BACH2: variants seen among roughly 807,000 people sequenced by gnomAD.
The protein encoded by BACH2 is BACH transcriptional regulator 2.
Under a neutral mutation model 61.8 loss-of-function variants are expected in BACH2, and 5 were observed. The observed-to-expected ratio is 0.08, with a 90% CI of 0.04 to 0.17. The LOEUF is 0.17. Among genes scored for constraint, BACH2 ranks in the 10% least tolerant of loss-of-function variants. The probability of loss-of-function intolerance (pLI) is 1.00; values close to 1 mark genes in which losing one functional copy is unlikely to be tolerated. For synonymous variants in BACH2, 446 were observed against 440.1 expected, an observed-to-expected ratio of 1.01 and a Z score of -0.17; for missense variants, 824 against 1,091.1, an observed-to-expected ratio of 0.76 and a Z score of 3.45.
At chr6:90,060,283 C>A (rs1780617452) in intron 5 of BACH2, among the ~76,000 whole-genome samples, 1 of 152,098 alleles carries the variant, frequency 6.6e-6, no homozygotes, top group Non-Finnish European at 1.5e-5. Context: ...TCTAAATAGG[C>A]TTTAGTTAGG....
At chr6:90,181,328 G>GGTGT (rs10593294) in intron 4 of BACH2, among the ~76,000 whole-genome samples, 83 of 148,434 alleles carry the variant, frequency 5.6e-4, no homozygotes, top group African/African-American at 1.5e-3. Flanking sequence ...CCCACTGTGT[G>GGTGT]GTGTGTGTGT....
Position 90,137,554 on chromosome 6 carries a change from C to T in BACH2, c.-161-48445G>A, listed in dbSNP as rs559704213. ...AACCAGGCTCCAGTCTCTTTCTTCTCCCAATTTTTACTACTTGCCACACTT... is the reference window on the plus strand; with the variant it reads ...AACCAGGCTCCAGTCTCTTTCTTCTTCCAATTTTTACTACTTGCCACACTT... On this transcript the variant is annotated intron_variant, in intron 4 of 8. Coordinates refer to ENST00000257749, the MANE Select transcript of BACH2 (RefSeq NM_021813.4). 7.2e-5 allele frequency among the ~76,000 whole-genome samples: 11 copies of T among 152,288 alleles called. No homozygotes were observed. In the South Asian group the frequency reaches 1.4e-3, roughly 20 times the overall value.
intron 1 of BACH2, among the ~76,000 whole-genome samples, chr6:90,292,056 C>A (rs1772197542): frequency 6.6e-6 from 1 of 152,156 alleles, no homozygotes; most frequent in African/African-American, 2.4e-5. Flanking sequence ...GTTCTCTGTT[C>A]TATGTGAGGG....
chr6:90,014,778 A>AT lies in BACH2; in HGVS notation c.-12-5923dup, dbSNP rs562030278. On this transcript the variant is annotated intron_variant, in intron 5 of 8. Coordinates refer to ENST00000257749, the MANE Select transcript of BACH2 (RefSeq NM_021813.4). ...GTCAGCTACCGCCCCTGGCCTTTTT[A>AT]TTTTTTTTATTTTTTAAAGAGACAG... Among the ~76,000 whole-genome samples, 558 of 149,830 alleles carry AT rather than the reference A, an allele frequency of 3.7e-3. 7 individuals are homozygous for AT. Among genetic ancestry groups the AT allele is most frequent in the African/African-American group, 0.013 (527 of 40,734 alleles).
intron 2 of BACH2, among the ~76,000 whole-genome samples, chr6:90,261,176 C>T (rs765056386): frequency 3.3e-5 from 5 of 152,164 alleles, no homozygotes; most frequent in Non-Finnish European, 7.3e-5. Context: ...CCCAGTCTTT[C>T]CTCCTTTGTT....
At chr6:90,091,298 T>C (rs1782147751) in intron 4 of BACH2, among the ~76,000 whole-genome samples, 1 of 152,306 alleles carries the variant, frequency 6.6e-6, no homozygotes, top group East Asian at 1.9e-4. Context: ...AAGTCCTATA[T>C]TGACACGGGG....
At chr6:90,086,565 C>G (rs891686264) in intron 5 of BACH2, among the ~76,000 whole-genome samples, 1 of 152,186 alleles carries the variant, frequency 6.6e-6, no homozygotes, top group African/African-American at 2.4e-5. Flanking sequence ...ACCCTACTCA[C>G]TCGGTGACTG....
At chr6:90,222,396 G>C (rs1393303585) in intron 3 of BACH2, among the ~76,000 whole-genome samples, 1 of 152,222 alleles carries the variant, frequency 6.6e-6, no homozygotes, top group African/African-American at 2.4e-5. Context: ...ACAAGGCTCA[G>C]AGCAAGTAGG....
intron 5 of BACH2, among the ~76,000 whole-genome samples, chr6:90,009,823 CCTAA>C (rs1325885855): frequency 6.6e-6 from 1 of 152,152 alleles, no homozygotes; most frequent in African/African-American, 2.4e-5. Flanking sequence ...TGCCACCGTG[CCTAA>C]CTAATTTTTG....
Position 90,240,665 on chromosome 6 carries a change from T to C in BACH2, c.-275+11848A>G, listed in dbSNP as rs563848352. ...GAAGGCAAATGGACTTTAAAAATGA[T>C]GACCCACGTAAAATCAACATTTAAT... is the stretch of plus-strand genomic sequence containing the variant. On this transcript the variant is annotated intron_variant, in intron 3 of 8. Transcript: ENST00000257749. 3.9e-5 allele frequency among the ~76,000 whole-genome samples: 6 copies of C among 152,308 alleles called. No individual in the cohort carries two copies. In the South Asian group the frequency reaches 1.2e-3, roughly 32 times the overall value.
chr6:90,146,240 A>G (rs538877485), intron 4 of BACH2, among the ~76,000 whole-genome samples: 30 of 152,350 alleles, frequency 2.0e-4, no homozygotes, highest in African/African-American at 7.0e-4. Flanking sequence ...GTTGAACTCT[A>G]TGACATAATG....
intron 8 of BACH2, among the ~76,000 whole-genome samples, chr6:89,934,557 G>C (rs1237399914): frequency 6.6e-6 from 1 of 152,132 alleles, no homozygotes; most frequent in Non-Finnish European, 1.5e-5. Flanking sequence ...TACTTAGGCG[G>C]CTGGGACATG....
intron 4 of BACH2, among the ~76,000 whole-genome samples, chr6:90,170,541 T>C (rs982092157): frequency 6.6e-6 from 1 of 152,208 alleles, no homozygotes. Context: ...AAGACCTTTT[T>C]GTAACTCCAT....
At chr6:90,026,064 T>C (rs907302957) in intron 5 of BACH2, among the ~76,000 whole-genome samples, 1 of 152,072 alleles carries the variant, frequency 6.6e-6, no homozygotes, top group African/African-American at 2.4e-5. Context: ...AATTATTCTG[T>C]CTTAGAAAAA....
At chr6:90,201,778 T>A (rs754961785) in intron 4 of BACH2, among the ~76,000 whole-genome samples, 1 of 152,198 alleles carries the variant, frequency 6.6e-6, no homozygotes, top group Non-Finnish European at 1.5e-5. Context: ...ATGTCACAAG[T>A]TTAGACCTTG....
intron 5 of BACH2, among the ~76,000 whole-genome samples, chr6:90,017,035 G>A (rs377333051): frequency 6.6e-6 from 1 of 151,974 alleles, no homozygotes; most frequent in African/African-American, 2.4e-5. Flanking sequence ...TCTTGGATAC[G>A]TGGATAGTTT....
Position 89,951,580 on chromosome 6 carries a change from C to T in BACH2, c.526G>A (p.Ala176Thr). 6.2e-7 allele frequency: 1 copy of T among 1,614,118 alleles called. No individual in the cohort carries two copies. The highest frequency in any genetic ancestry group is 8.5e-7 in the Non-Finnish European group (1 of 1,180,042). The change falls in exon 7 of 9, where the codon GCC becomes ACC. Residue 176 changes from alanine (A) to threonine (T), a missense_variant. Ala to Thr is a moderately conservative substitution (Grantham distance 58). Transcript: ENST00000257749. This position sits in a 1 kb window ranked among gnomAD's most constrained non-coding sequence, Gnocchi z 6.4. ...TGGTCCCTGGGGCAAGCCATCTTGG[C>T]CGTCTCTGAATCCATCGTCTCCTCC... is the stretch of plus-strand genomic sequence containing the variant. ...EEEETMDSETAKMACPRDQML... is the reference protein window; with the variant it reads ...EEEETMDSETTKMACPRDQML...
intron 6 of BACH2, among the ~76,000 whole-genome samples, chr6:89,980,278 A>T (rs1775878795): frequency 6.6e-6 from 1 of 150,546 alleles, no homozygotes; most frequent in Non-Finnish European, 1.5e-5. Flanking sequence ...TGGGTGACAG[A>T]GCAAGACTCT....
chr6:90,102,313 T>C (rs1328656299), intron 4 of BACH2, among the ~76,000 whole-genome samples: 1 of 152,192 alleles, frequency 6.6e-6, no homozygotes, highest in Non-Finnish European at 1.5e-5. Context: ...GAATCTATTT[T>C]CCATAGAAGT....
Sources: gnomAD v4.1 joint callset for allele counts (sites outside exome capture counted in the v4.1 genomes callset) on GRCh38, gnomAD v4.1.1 for gene constraint, Gnocchi (gnomAD v3.1) non-coding constraint, MANE v1.5 for transcripts, NCBI Gene and HGNC (gene_info 2026-07-23, HGNC 2026-07-21) for gene names.